The following PALLD variants were observed in gnomAD, a reference collection of about 807,000 sequenced individuals.
PALLD encodes palladin.
PALLD carries 61 observed loss-of-function variants against 123.5 expected under a neutral mutation model. The observed-to-expected ratio is 0.49, with a 90% confidence interval of 0.40 to 0.61. The LOEUF is 0.61. PALLD is among the 20% of genes least tolerant of loss of function. The pLI is 0.00. For missense variants in PALLD, 1,273 were observed against 1,377.0 expected (o/e 0.92, Z 1.20); for synonymous variants, 465 against 496.4 (o/e 0.94, Z 0.84).
intron 10 of PALLD, among the ~76,000 whole-genome samples, chr4:168,736,254 A>G (rs939734501): frequency 2.6e-5 from 4 of 152,250 alleles, no homozygotes; most frequent in African/African-American, 4.8e-5. Flanking sequence ...GTATGTATAC[A>G]TACTTAGAAA....
chr4:168,668,638 T>C (rs1779883555), intron 3 of PALLD, among the ~76,000 whole-genome samples: 1 of 152,246 alleles, frequency 6.6e-6, no homozygotes, highest in African/African-American at 2.4e-5. Context: ...ATCCAAATTA[T>C]TTTTGTCTTT....
chr4:168,657,328 C>G (rs1369771396), intron 2 of PALLD, among the ~76,000 whole-genome samples: 2 of 152,172 alleles, frequency 1.3e-5, no homozygotes, highest in African/African-American at 4.8e-5. Context: ...CCACAGAAAC[C>G]TTTTCAATGT....
At chr4:168,529,399 C>T (rs1320936640) in intron 2 of PALLD, among the ~76,000 whole-genome samples, 2 of 151,966 alleles carry the variant, frequency 1.3e-5, no homozygotes, top group Non-Finnish European at 1.5e-5. Flanking sequence ...AGTCATGTAA[C>T]CTGCAGCATA....
At chr4:168,776,515 A>G (rs1735190113) in intron 10 of PALLD, among the ~76,000 whole-genome samples, 1 of 152,178 alleles carries the variant, frequency 6.6e-6, no homozygotes, top group Non-Finnish European at 1.5e-5. Flanking sequence ...CCATATTGCA[A>G]TGGCCAAAGC....
chr4:168,780,836 T>C (rs923624163), intron 10 of PALLD, among the ~76,000 whole-genome samples: 1 of 133,354 alleles, frequency 7.5e-6, no homozygotes, highest in Non-Finnish European at 1.8e-5. Flanking sequence ...TGCAGGCACC[T>C]GCCACCACAC....
intron 2 of PALLD, among the ~76,000 whole-genome samples, chr4:168,526,149 AC>A (rs1458862401): frequency 6.6e-6 from 1 of 152,204 alleles, no homozygotes; most frequent in Non-Finnish European, 1.5e-5. Flanking sequence ...CGCCTCAAGA[AC>A]CATGGGTTTT....
rs587780757 is a variant in PALLD at position 168,878,082 on chromosome 4, C to G, written c.1965-12840C>G. Reference sequence around the variant, plus strand: ...CCGACGCCGAGGCAGTTCGGCCGCGCCCCCGTGCCGCCCTTCGCGCAGCCC... The same window carrying G: ...CCGACGCCGAGGCAGTTCGGCCGCGGCCCCGTGCCGCCCTTCGCGCAGCCC... On this transcript the variant is annotated intron_variant, in intron 10 of 21. Coordinates refer to ENST00000505667, the MANE Select transcript of PALLD (RefSeq NM_001166108.2). 1.2e-4 allele frequency: 170 copies of G among 1,448,004 alleles called. No homozygotes were observed. Among genetic ancestry groups the G allele is most frequent in the Middle Eastern group, 8.6e-4 (4 of 4,678 alleles). 89.7% of individuals were successfully genotyped at this position (1,448,004 alleles called of 1,614,324 possible).
intron 10 of PALLD, among the ~76,000 whole-genome samples, chr4:168,815,973 C>G (rs1371467121): frequency 6.6e-6 from 1 of 152,182 alleles, no homozygotes; most frequent in Non-Finnish European, 1.5e-5. Flanking sequence ...AGGATTAAAA[C>G]CTTGAAAACT....
At chr4:168,775,423 G>A (rs1156373304) in intron 10 of PALLD, among the ~76,000 whole-genome samples, 2 of 151,998 alleles carry the variant, frequency 1.3e-5, no homozygotes, top group African/African-American at 2.4e-5. Flanking sequence ...TCTTATTATA[G>A]TATTTATATA....
At chr4:168,813,992 G>A (rs1345861570) in intron 10 of PALLD, among the ~76,000 whole-genome samples, 4 of 152,156 alleles carry the variant, frequency 2.6e-5, no homozygotes, top group Admixed American at 1.3e-4. Context: ...GAATTTCAGT[G>A]ATGGGAAATA....
chr4:168,905,515 A>G (rs1006312521), intron 15 of PALLD, among the ~76,000 whole-genome samples: 7 of 152,024 alleles, frequency 4.6e-5, no homozygotes, highest in African/African-American at 1.7e-4. Context: ...CTAATATTCC[A>G]TGGTCATATA....
chr4:168,870,706 C>T (rs995255765), intron 10 of PALLD, among the ~76,000 whole-genome samples: 1 of 152,050 alleles, frequency 6.6e-6, no homozygotes, highest in African/African-American at 2.4e-5. Context: ...TTTATTAGGA[C>T]CTTAAAGTTG....
At chr4:168,521,202 A>G (rs1300173623) in intron 2 of PALLD, among the ~76,000 whole-genome samples, 1 of 152,102 alleles carries the variant, frequency 6.6e-6, no homozygotes, top group African/African-American at 2.4e-5. Context: ...AAAACAAAAC[A>G]CCTGTATATA....
chr4:168,584,401 T>C (rs549517631), intron 2 of PALLD, among the ~76,000 whole-genome samples: 8 of 152,324 alleles, frequency 5.3e-5, no homozygotes, highest in African/African-American at 1.9e-4. Context: ...GGGTCTGGCA[T>C]TAAACAAAGA....
chr4:168,604,061 T>G (rs1296310245), intron 2 of PALLD, among the ~76,000 whole-genome samples: 1 of 152,160 alleles, frequency 6.6e-6, no homozygotes, highest in Non-Finnish European at 1.5e-5. Context: ...GTGTAGTAAT[T>G]GAAAATAACT....
intron 10 of PALLD, among the ~76,000 whole-genome samples, chr4:168,845,912 A>G (rs926118783): frequency 6.6e-6 from 1 of 152,214 alleles, no homozygotes; most frequent in African/African-American, 2.4e-5. Context: ...TTATTTGACA[A>G]GCCCCCTTTT....
intron 8 of PALLD, chr4:168,700,962 C>T (rs1263780916): frequency 1.3e-5 from 2 of 152,136 alleles, no homozygotes; most frequent in African/African-American, 2.4e-5. Flanking sequence ...CACTAGAGGC[C>T]TGGGCAACAG....
chr4:168,886,982 TG>T (rs1334292094), intron 10 of PALLD, among the ~76,000 whole-genome samples: 1 of 151,920 alleles, frequency 6.6e-6, no homozygotes, highest in Non-Finnish European at 1.5e-5. Flanking sequence ...CCAGGCGTGG[TG>T]GCTCATGCCT....
intron 10 of PALLD, among the ~76,000 whole-genome samples, chr4:168,758,860 A>C (rs369758480): frequency 6.6e-6 from 1 of 151,804 alleles, no homozygotes; most frequent in Non-Finnish European, 1.5e-5. Context: ...GGCCTGTGCA[A>C]ATGGATTTCT....
Sources: gnomAD v4.1 joint callset for allele counts (sites outside exome capture counted in the v4.1 genomes callset) on GRCh38, gnomAD v4.1.1 for gene constraint, MANE v1.5 for transcripts, NCBI Gene and HGNC (gene_info 2026-07-23, HGNC 2026-07-21) for gene names.